The following ICA1L variants were observed in gnomAD, a reference collection of about 807,000 sequenced individuals.
ICA1L encodes the protein islet cell autoantigen 1-like protein.
In ICA1L, 50 loss-of-function variants were observed where a neutral mutation model predicts 61.3. That is an observed-to-expected ratio of 0.82 (90% CI 0.65 to 1.03). The LOEUF (loss-of-function observed/expected upper bound fraction) is 1.03. Ranked by LOEUF, ICA1L falls within the 50% of genes least tolerant of loss-of-function variation. The pLI is 0.00. For synonymous variants in ICA1L, 161 were observed against 191.3 expected (o/e 0.84, Z 1.31); for missense variants, 508 against 556.7 (o/e 0.91, Z 0.88).
chr2:202,803,400 C>CAAAAAAAA (rs71030990), intron 9 of ICA1L, among the ~76,000 whole-genome samples: 33 of 60,542 alleles, frequency 5.5e-4, no homozygotes, highest in African/African-American at 6.9e-4. Flanking sequence ...GACTCGATCT[C>CAAAAAAAA]AAAAAAAAAA....
chr2:202,812,367 A>C (rs1359839867), intron 8 of ICA1L, among the ~76,000 whole-genome samples: 1 of 152,178 alleles, frequency 6.6e-6, no homozygotes, highest in African/African-American at 2.4e-5. Flanking sequence ...TCACGAGGTC[A>C]GGAATTCGAG....
At chr2:202,786,473 C>T (rs947606625) in intron 11 of ICA1L, among the ~76,000 whole-genome samples, 68 of 152,060 alleles carry the variant, frequency 4.5e-4, no homozygotes, top group African/African-American at 1.4e-3. Context: ...GGCGTGAACC[C>T]GGGAAGCGGA....
At chr2:202,811,670 A>AAG in intron 9 of ICA1L, 76 bp downstream of exon 9, 1 of 1,022,066 alleles carries the variant, frequency 9.8e-7, no homozygotes, top group East Asian at 2.5e-5. Context: ...AAAAAAAAAA[A>AAG]AAAAAAAAAG....
At position 202,777,683 on chromosome 2, in the gene ICA1L, T is replaced by A. The variant is rs988391118; in HGVS notation, c.*1850A>T. 2.6e-5 allele frequency: 4 copies of A among 152,096 alleles called. No individual in the cohort carries two copies. The highest frequency in any genetic ancestry group is 2.6e-4 in the Admixed American group (4 of 15,258). The allele number at this position is 152,096 out of a possible 1,614,324, so 9.4% of individuals were successfully genotyped here. ...ATACTGTACTTGGCCATTGTAGTAGTTTTCTGGAGAGCCTGTGGGCAGTTA... is the reference window on the plus strand; with the variant it reads ...ATACTGTACTTGGCCATTGTAGTAGATTTCTGGAGAGCCTGTGGGCAGTTA... On this transcript the variant is annotated 3_prime_UTR_variant, in exon 13 of 13. Coordinates refer to ENST00000358299, the MANE Select transcript of ICA1L (RefSeq NM_001288622.3).
rs1054014485 is a variant in ICA1L at position 202,786,771 on chromosome 2, A to G, written c.1244-764T>C. On this transcript the variant is annotated intron_variant, in intron 11 of 12. Transcript: ENST00000358299. ...TGCATGATTTTTTTTTTTTTGCAGCATTATCTGTAATAATGAACAAGTAGA... is the reference window on the plus strand; with the variant it reads ...TGCATGATTTTTTTTTTTTTGCAGCGTTATCTGTAATAATGAACAAGTAGA... 24 of 447,886 alleles carry G rather than the reference A, an allele frequency of 5.4e-5. 1 individual carries two copies. Among genetic ancestry groups the G allele is most frequent in the African/African-American group, 4.7e-4 (23 of 49,100 alleles). The allele number at this position is 447,886 out of a possible 1,614,324, so 27.7% of individuals were successfully genotyped here. A position where few individuals can be genotyped will look rare whatever the true frequency, so the allele number is the denominator to read the frequency against.
chr2:202,868,993 CAACA>C (rs1304002769), intron 1 of ICA1L, among the ~76,000 whole-genome samples: 3 of 151,384 alleles, frequency 2.0e-5, no homozygotes, highest in African/African-American at 7.3e-5. Flanking sequence ...ACAACAACAA[CAACA>C]AAAAACATTT....
chr2:202,869,145 G>C (rs1687616556), intron 1 of ICA1L, among the ~76,000 whole-genome samples: 1 of 151,910 alleles, frequency 6.6e-6, no homozygotes, highest in Admixed American at 6.6e-5. Flanking sequence ...GGATCACGAG[G>C]TCAGGAGATC....
intron 10 of ICA1L, among the ~76,000 whole-genome samples, chr2:202,790,871 C>T (rs1302171410): frequency 3.9e-5 from 6 of 152,198 alleles, no homozygotes; most frequent in African/African-American, 1.4e-4. Context: ...GTCCCCACTC[C>T]CAGCTCAAGC....
intron 1 of ICA1L, among the ~76,000 whole-genome samples, chr2:202,845,212 C>A (rs1694434288): frequency 6.6e-6 from 1 of 152,144 alleles, no homozygotes; most frequent in Non-Finnish European, 1.5e-5. Flanking sequence ...CAGAAAGTAA[C>A]ATATTCATAG....
At chr2:202,792,701 GA>G (rs1405543037) in intron 10 of ICA1L, among the ~76,000 whole-genome samples, 1 of 152,100 alleles carries the variant, frequency 6.6e-6, no homozygotes, top group Non-Finnish European at 1.5e-5. Context: ...AGCTACTGGG[GA>G]GGCTGAGGCA....
intron 1 of ICA1L, among the ~76,000 whole-genome samples, chr2:202,866,469 T>C (rs1431240742): frequency 6.6e-6 from 1 of 152,200 alleles, no homozygotes; most frequent in African/African-American, 2.4e-5. Context: ...TATTCCTTTA[T>C]AGTAACACAA....
rs562230381 is a variant in ICA1L at position 202,777,044 on chromosome 2, C to CTTTTTTTT, written c.*2481_*2488dup. 5.5e-4 allele frequency: 38 copies of CTTTTTTTT among 68,586 alleles called. 2 individuals carry two copies. Among genetic ancestry groups the CTTTTTTTT allele is most frequent in the African/African-American group, 2.3e-3 (35 of 15,268 alleles). 4.2% of individuals were successfully genotyped at this position (68,586 alleles called of 1,614,324 possible). A position where few individuals can be genotyped will look rare whatever the true frequency, so the allele number is the denominator to read the frequency against. ...ACAAACTCTCAAGACATAAAGTTAG[C>CTTTTTTTT]TTTTTTTTTTTTTTTTTTTTTTTTT... On this transcript the variant is annotated 3_prime_UTR_variant, in exon 13 of 13. Transcript: ENST00000358299.
intron 1 of ICA1L, among the ~76,000 whole-genome samples, chr2:202,830,394 G>A (rs911636103): frequency 1.3e-5 from 2 of 152,074 alleles, no homozygotes; most frequent in Non-Finnish European, 2.9e-5. Flanking sequence ...ACAACAGAGC[G>A]AGACTCCGTC....
At chr2:202,836,816 G>GATATAGATATAGATATAGATAT (rs1559143105) in intron 1 of ICA1L, among the ~76,000 whole-genome samples, 3 of 144,158 alleles carry the variant, frequency 2.1e-5, no homozygotes, top group Non-Finnish European at 4.7e-5. Context: ...GATATATATA[G>GATATAGATATAGATATAGATAT]ATATATAGAT....
chr2:202,797,642 C>T (rs1692971961), intron 9 of ICA1L, among the ~76,000 whole-genome samples: 1 of 152,192 alleles, frequency 6.6e-6, no homozygotes, highest in African/African-American at 2.4e-5. Flanking sequence ...CTGCCTCAGC[C>T]TCCCAAGTAG....
rs1449380369 is a variant in ICA1L, at chr2:202,775,446, A to G, written c.*4087T>C. 1 of 152,234 alleles carries G rather than the reference A, an allele frequency of 6.6e-6. No individual in the cohort carries two copies. Among genetic ancestry groups the G allele is most frequent in the East Asian group, 1.9e-4 (1 of 5,200 alleles). The allele number at this position is 152,234 out of a possible 1,614,324, so 9.4% of individuals were successfully genotyped here. On this transcript the variant is annotated 3_prime_UTR_variant, in exon 13 of 13. Coordinates refer to ENST00000358299, the MANE Select transcript of ICA1L (RefSeq NM_001288622.3). ...AGTTTTTGTTACTGAAAGTATTTAC[A>G]TAAATAACGTACATTATATTATTTC...
chr2:202,803,078 A>G (rs1693126898), intron 9 of ICA1L, among the ~76,000 whole-genome samples: 2 of 152,248 alleles, frequency 1.3e-5, no homozygotes, highest in South Asian at 2.1e-4. Flanking sequence ...AAAAAATCCA[A>G]CTAAACCTTG....
intron 9 of ICA1L, 62 bp from the exon 10 acceptor site, chr2:202,797,026 G>T: frequency 9.4e-7 from 1 of 1,064,952 alleles, no homozygotes; most frequent in Non-Finnish European, 1.4e-6. Flanking sequence ...CTTATTTACT[G>T]TAATAGTCTA....
chr2:202,837,294 T>G (rs1451761697), intron 1 of ICA1L, among the ~76,000 whole-genome samples: 1 of 151,962 alleles, frequency 6.6e-6, no homozygotes, highest in Admixed American at 6.6e-5. Flanking sequence ...TTTTTTTTGT[T>G]TTTGTTTTTT....
Sources: gnomAD v4.1 joint callset for allele counts (sites outside exome capture counted in the v4.1 genomes callset) on GRCh38, gnomAD v4.1.1 for gene constraint, MANE v1.5 for transcripts, NCBI Gene and HGNC (gene_info 2026-07-23, HGNC 2026-07-21) for gene names.